Variants in LHFPL3 observed in about 807,000 individuals in gnomAD.
LHFPL3 encodes the protein LHFPL tetraspan subfamily member 3, also known as LHFPL tetraspan subfamily member 3 protein.
Under a neutral mutation model 19.3 loss-of-function variants are expected in LHFPL3, and 5 were observed. The observed-to-expected ratio is 0.26, with a 90% CI of 0.14 to 0.54. LHFPL3 has a LOEUF of 0.54. LHFPL3 is among the 20% of genes least tolerant of loss of function. The pLI is 0.94. For missense variants in LHFPL3, 249 were observed against 307.4 expected, an observed-to-expected ratio of 0.81 and a Z score of 1.42; for synonymous variants, 133 against 126.2, an observed-to-expected ratio of 1.05 and a Z score of -0.36.
intron 1 of LHFPL3, among the ~76,000 whole-genome samples, chr7:104,598,135 C>T (rs1185020835): frequency 6.6e-6 from 1 of 152,178 alleles, no homozygotes; most frequent in Non-Finnish European, 1.5e-5. Flanking sequence ...AGCAGCAGAG[C>T]ATCCACATCA....
intron 1 of LHFPL3, among the ~76,000 whole-genome samples, chr7:104,346,587 C>G (rs1341710650): frequency 6.6e-6 from 1 of 152,072 alleles, no homozygotes; most frequent in Non-Finnish European, 1.5e-5. Flanking sequence ...GGGTTAGCAT[C>G]ATGTTTTTCT....
chr7:104,887,302 G>A (rs1196122833), intron 2 of LHFPL3, among the ~76,000 whole-genome samples: 2 of 152,174 alleles, frequency 1.3e-5, no homozygotes, highest in Non-Finnish European at 2.9e-5. Flanking sequence ...ATGCTGACAC[G>A]GGATTTAAGT....
intron 2 of LHFPL3, among the ~76,000 whole-genome samples, chr7:104,881,566 T>G (rs1281840972): frequency 6.6e-6 from 1 of 152,202 alleles, no homozygotes; most frequent in African/African-American, 2.4e-5. Context: ...GAGTTGCTTC[T>G]TATGAATGAA....
chr7:104,804,388 G>T (rs1790313696), intron 2 of LHFPL3, among the ~76,000 whole-genome samples: 2 of 152,222 alleles, frequency 1.3e-5, no homozygotes, highest in African/African-American at 2.4e-5. Flanking sequence ...ATGGATGTCT[G>T]CCATCACTTT....
chr7:104,877,570 A>C (rs1252025513), intron 2 of LHFPL3, among the ~76,000 whole-genome samples: 2 of 152,212 alleles, frequency 1.3e-5, no homozygotes, highest in Non-Finnish European at 2.9e-5. Context: ...CCACAATGAG[A>C]TATCACTTCC....
intron 2 of LHFPL3, among the ~76,000 whole-genome samples, chr7:104,781,866 A>G (rs898075414): frequency 6.6e-6 from 1 of 151,920 alleles, no homozygotes; most frequent in African/African-American, 2.4e-5. Flanking sequence ...TTTCCTCCTT[A>G]CTACTTATTT....
chr7:104,691,586 T>G (rs1199262691), intron 1 of LHFPL3, among the ~76,000 whole-genome samples: 2 of 152,238 alleles, frequency 1.3e-5, no homozygotes, highest in Non-Finnish European at 2.9e-5. Flanking sequence ...AGATGTGTGA[T>G]TATGTACTGA....
At chr7:104,495,105 A>G (rs866904065) in intron 1 of LHFPL3, among the ~76,000 whole-genome samples, 1 of 152,110 alleles carries the variant, frequency 6.6e-6, no homozygotes, top group Non-Finnish European at 1.5e-5. Context: ...TTCTCTCCTA[A>G]TGGGTTTCCA....
chr7:104,873,802 C>T (rs1366788444), intron 2 of LHFPL3, among the ~76,000 whole-genome samples: 3 of 152,178 alleles, frequency 2.0e-5, no homozygotes, highest in Non-Finnish European at 4.4e-5. Flanking sequence ...TTTGCCTTCG[C>T]AGAGTGGGAA....
chr7:104,343,220 A>C (rs1789991737), intron 1 of LHFPL3, among the ~76,000 whole-genome samples: 1 of 152,112 alleles, frequency 6.6e-6, no homozygotes, highest in Non-Finnish European at 1.5e-5. Context: ...AATATGATTT[A>C]TAAGAAGCCA....
At chr7:104,600,655 A>G (rs1388646992) in intron 1 of LHFPL3, among the ~76,000 whole-genome samples, 1 of 152,240 alleles carries the variant, frequency 6.6e-6, no homozygotes, top group Non-Finnish European at 1.5e-5. Flanking sequence ...TAGAGGCACC[A>G]GAGACAGAGT....
chr7:104,906,198 CAAT>C lies in LHFPL3; in HGVS notation c.696_698del (p.Gln232_Tyr233delinsHis). On this transcript the variant is annotated inframe_deletion, in exon 3 of 3. Coordinates refer to ENST00000424859, the MANE Select transcript of LHFPL3 (RefSeq NM_199000.3). ...TCCAATTTCTGCAGTTCTGCTAAGC[CAAT>C]ATTCTCTAGAATGAGCACAAAACAA... 4 of 1,610,484 alleles carry C rather than the reference CAAT, an allele frequency of 2.5e-6. No homozygotes were observed. Among genetic ancestry groups the C allele is most frequent in the Non-Finnish European group, 2.5e-6 (3 of 1,178,316 alleles).
At chr7:104,590,098 G>A (rs1394264950) in intron 1 of LHFPL3, among the ~76,000 whole-genome samples, 3 of 152,042 alleles carry the variant, frequency 2.0e-5, no homozygotes, top group East Asian at 1.9e-4. Flanking sequence ...AGGGTTTTTT[G>A]TGTCTCTATC....
intron 2 of LHFPL3, among the ~76,000 whole-genome samples, chr7:104,802,051 T>C (rs10270391): frequency 0.18 from 27,539 of 152,082 alleles, 2,895 homozygotes; most frequent in East Asian, 0.46. Context: ...TCCCTACCTC[T>C]TTCTCTACCC....
chr7:104,483,554 G>C (rs540174233), intron 1 of LHFPL3, among the ~76,000 whole-genome samples: 2 of 152,256 alleles, frequency 1.3e-5, no homozygotes, highest in East Asian at 3.9e-4. Flanking sequence ...GATACACTTT[G>C]AAATATTTAT....
chr7:104,529,262 G>A (rs973179463), intron 1 of LHFPL3, among the ~76,000 whole-genome samples: 3 of 152,152 alleles, frequency 2.0e-5, no homozygotes, highest in Non-Finnish European at 4.4e-5. Flanking sequence ...CCTCAGGAAA[G>A]CAAAACAACA....
chr7:104,347,021 A>G (rs1481238622), intron 1 of LHFPL3, among the ~76,000 whole-genome samples: 7 of 137,206 alleles, frequency 5.1e-5, no homozygotes. Flanking sequence ...CCAGTTCCTT[A>G]GCCTATCTGT....
chr7:104,661,308 A>G lies in LHFPL3; in HGVS notation c.446-75367A>G, dbSNP rs1584466662. Among the ~76,000 whole-genome samples, 3 of 152,188 alleles carry G rather than the reference A, an allele frequency of 2.0e-5. No individual in the cohort carries two copies. The South Asian group carries it at 6.2e-4, about 32-fold the overall frequency. ...AGGTGCTGCCCTGCCTATTCTACCCATGTGCCCTCTTTCTTGGAGTCATTC... is the reference window on the plus strand; with the variant it reads ...AGGTGCTGCCCTGCCTATTCTACCCGTGTGCCCTCTTTCTTGGAGTCATTC... On this transcript the variant is annotated intron_variant, in intron 1 of 2. Coordinates refer to ENST00000424859, the MANE Select transcript of LHFPL3 (RefSeq NM_199000.3).
At chr7:104,346,728 G>A (rs1175184486) in intron 1 of LHFPL3, among the ~76,000 whole-genome samples, 1 of 151,520 alleles carries the variant, frequency 6.6e-6, no homozygotes. Context: ...TACTGTAATT[G>A]GATTCTCACT....
Sources: gnomAD v4.1 joint callset for allele counts (sites outside exome capture counted in the v4.1 genomes callset) on GRCh38, gnomAD v4.1.1 for gene constraint, MANE v1.5 for transcripts, NCBI Gene and HGNC (gene_info 2026-07-23, HGNC 2026-07-21) for gene names.